Variants in APOD observed in about 807,000 individuals in gnomAD.
APOD encodes the protein apo-D.
A neutral mutation model predicts 20.4 loss-of-function variants in APOD; 22 were observed. That is an observed-to-expected ratio of 1.08 (90% confidence interval 0.77 to 1.54). The LOEUF (loss-of-function observed/expected upper bound fraction) is 1.54. Among genes scored for constraint, APOD ranks in the 40% most tolerant of loss-of-function variants. The pLI is 0.00. For synonymous variants in APOD, 97 were observed against 92.4 expected (o/e 1.05, Z -0.29); for missense variants, 223 against 229.6 (o/e 0.97, Z 0.19).
At position 195,579,505 on chromosome 3, in the gene APOD, C is replaced by T. The variant is rs1352127244; in HGVS notation, c.-34-10G>A. ...GAGAAGGGACCTGGAGCTGCGGGAACGCAAAGCAGCTGGGGTTGTCATTCT... is the reference window on the plus strand; with the variant it reads ...GAGAAGGGACCTGGAGCTGCGGGAATGCAAAGCAGCTGGGGTTGTCATTCT... On this transcript the variant is annotated splice_polypyrimidine_tract_variant and intron_variant, in intron 1 of 4. Coordinates refer to ENST00000343267, the MANE Select transcript of APOD (RefSeq NM_001647.4). 3 of 1,603,352 alleles carry T rather than the reference C, an allele frequency of 1.9e-6. No homozygotes were observed. The highest frequency in any genetic ancestry group is 1.7e-5 in the Admixed American group (1 of 59,614).
Position 195,571,274 on chromosome 3 carries a change from T to TA in APOD, c.334+2dup. Reference sequence around the variant, plus strand: ...AATCCTCCTGGGAAAAGTGGATACTTACACCAGGAAAACTTAACTTCCAGC... The same window carrying TA: ...AATCCTCCTGGGAAAAGTGGATACTTAACACCAGGAAAACTTAACTTCCAGC... On this transcript the variant is annotated splice_region_variant and intron_variant, in intron 4 of 4. Transcript: ENST00000343267. 1.2e-6 allele frequency: 2 copies of TA among 1,613,850 alleles called. No individual in the cohort carries two copies. Among genetic ancestry groups the TA allele is most frequent in the Non-Finnish European group, 1.7e-6 (2 of 1,179,710 alleles).
intron 4 of APOD, among the ~76,000 whole-genome samples, chr3:195,569,580 C>A (rs1221275007): frequency 6.6e-6 from 1 of 152,030 alleles, no homozygotes; most frequent in African/African-American, 2.4e-5. Flanking sequence ...CTCTCGTGGT[C>A]CAGTTCCGAA....
At chr3:195,574,039 C>G in intron 2 of APOD, 68 bp from the exon 3 acceptor site, 1 of 1,587,044 alleles carries the variant, frequency 6.3e-7, no homozygotes, top group East Asian at 2.3e-5. Context: ...TCCCCATTGT[C>G]GTGCAGACGC....
chr3:195,575,947 A>G (rs1720240829), intron 2 of APOD, among the ~76,000 whole-genome samples: 1 of 152,164 alleles, frequency 6.6e-6, no homozygotes, highest in Non-Finnish European at 1.5e-5. Context: ...TTTAAAAACA[A>G]AAAGAGATGC....
chr3:195,573,588 G>C (rs1419252905), intron 3 of APOD, among the ~76,000 whole-genome samples: 3 of 152,248 alleles, frequency 2.0e-5, no homozygotes, highest in Non-Finnish European at 4.4e-5. Flanking sequence ...TGGTCTTGAT[G>C]TTCTTTGCTA....
intron 4 of APOD, among the ~76,000 whole-genome samples, chr3:195,570,413 G>A (rs1720139923): frequency 6.6e-6 from 1 of 152,216 alleles, no homozygotes; most frequent in Non-Finnish European, 1.5e-5. Context: ...TTTCTGGCTT[G>A]TACATGTGAA....
chr3:195,579,762 T>C (rs1246859932), intron 1 of APOD, among the ~76,000 whole-genome samples: 1 of 152,208 alleles, frequency 6.6e-6, no homozygotes, highest in Non-Finnish European at 1.5e-5. Flanking sequence ...TCCCACCTAA[T>C]TATGCATCTC....
intron 4 of APOD, chr3:195,570,522 A>C (rs1214264896): frequency 1.3e-5 from 2 of 152,166 alleles, no homozygotes; most frequent in Non-Finnish European, 2.9e-5. Flanking sequence ...TCCCCGCTCT[A>C]GGCACTTGAC....
rs115247683 is a variant in APOD, at chr3:195,580,368, C to T, written c.-34-873G>A. Among the ~76,000 whole-genome samples, 37 of 140,650 alleles carry T rather than the reference C, an allele frequency of 2.6e-4. 1 individual carries two copies. Among genetic ancestry groups the T allele is most frequent in the Non-Finnish European group, 3.8e-4 (25 of 65,602 alleles). 92.3% of individuals were successfully genotyped at this position (140,650 alleles called of 152,430 possible). On this transcript the variant is annotated intron_variant, in intron 1 of 4. Transcript: ENST00000343267. Reference sequence around the variant, plus strand: ...TCTTTTCTTTTCTTCTTTCTTTCTTCTTTTTTTTTTTTTGACATTCTGTTG... The same window carrying T: ...TCTTTTCTTTTCTTCTTTCTTTCTTTTTTTTTTTTTTTTGACATTCTGTTG...
chr3:195,574,107 G>A, intron 2 of APOD, 136 bp from the exon 3 acceptor site: 1 of 1,218,324 alleles, frequency 8.2e-7, no homozygotes, highest in African/African-American at 1.5e-5. Flanking sequence ...AGTGGCAACT[G>A]GGCAAGAGAT....
At position 195,580,013 on chromosome 3, in the gene APOD, G is replaced by A. The variant is rs1013458968; in HGVS notation, c.-34-518C>T. On this transcript the variant is annotated intron_variant, in intron 1 of 4. Transcript: ENST00000343267. Reference sequence around the variant, plus strand: ...TGACACCATCCCTCCCCCTGCCCTCGTCTTGCTGGCTGTTCTACCAGCCCA... The same window carrying A: ...TGACACCATCCCTCCCCCTGCCCTCATCTTGCTGGCTGTTCTACCAGCCCA... Among the ~76,000 whole-genome samples, 6 of 152,178 alleles carry A rather than the reference G, an allele frequency of 3.9e-5. No individual in the cohort carries two copies. The East Asian group carries it at 1.2e-3, about 29-fold the overall frequency.
chr3:195,578,952 G>A, intron 2 of APOD, among the ~76,000 whole-genome samples: 1 of 152,270 alleles, frequency 6.6e-6, no homozygotes, highest in East Asian at 1.9e-4. Flanking sequence ...CTCTGCCAGG[G>A]GGCTCAGCTA....
chr3:195,569,056 G>A lies in APOD; in HGVS notation c.414C>T (p.Ile138=). The change falls in exon 5 of 5, where the codon ATC becomes ATT. Residue 138 remains isoleucine (I), a synonymous_variant. Transcript: ENST00000343267. ...YALVYSCTCI[I]QLFHVDFAWI... is the part of the protein sequence containing the mutation. ...AAGCAAAATCCACGTGAAAAAGTTG[G>A]ATGATGCAGGTACAGGAATACACGA... 2 of 1,614,160 alleles carry A rather than the reference G, an allele frequency of 1.2e-6. No homozygotes were observed. The highest frequency in any genetic ancestry group is 1.7e-6 in the Non-Finnish European group (2 of 1,180,032).
chr3:195,578,584 C>T (rs576811329), intron 2 of APOD, among the ~76,000 whole-genome samples: 1 of 152,126 alleles, frequency 6.6e-6, no homozygotes, highest in Non-Finnish European at 1.5e-5. Context: ...CTTCCCCTCC[C>T]GCTAAACCCC....
chr3:195,576,225 AAAGT>A (rs1179229594), intron 2 of APOD, among the ~76,000 whole-genome samples: 2 of 152,238 alleles, frequency 1.3e-5, no homozygotes, highest in African/African-American at 4.8e-5. Context: ...TATTTCTGTT[AAAGT>A]GAGTTTAGTG....
rs1577603804 is a variant in APOD, at chr3:195,573,841, G to A, written c.245+9C>T. On this transcript the variant is annotated intron_variant, in intron 3 of 4. Coordinates refer to ENST00000343267, the MANE Select transcript of APOD (RefSeq NM_001647.4). Reference sequence around the variant, plus strand: ...GCAGGCCTGGCCCCGGACGCCCACAGCCACTCACCTCAACTCCTGGTTTAA... The same window carrying A: ...GCAGGCCTGGCCCCGGACGCCCACAACCACTCACCTCAACTCCTGGTTTAA... 1 of 1,613,648 alleles carries A rather than the reference G, an allele frequency of 6.2e-7. No homozygotes were observed. Among genetic ancestry groups the A allele is most frequent in the Non-Finnish European group, 8.5e-7 (1 of 1,179,752 alleles).
At chr3:195,575,753 G>A (rs911588287) in intron 2 of APOD, among the ~76,000 whole-genome samples, 3 of 152,108 alleles carry the variant, frequency 2.0e-5, no homozygotes, top group East Asian at 3.9e-4. Context: ...TCAGCCTCCC[G>A]AGTAGCTGGG....
intron 2 of APOD, among the ~76,000 whole-genome samples, chr3:195,576,750 C>T (rs779371921): frequency 1.3e-5 from 2 of 151,976 alleles, no homozygotes; most frequent in African/African-American, 2.4e-5. Context: ...GCAGAGGTTG[C>T]AGTGAGCTGA....
chr3:195,579,021 G>A (rs1189889872), intron 2 of APOD, among the ~76,000 whole-genome samples: 1 of 152,182 alleles, frequency 6.6e-6, no homozygotes, highest in Non-Finnish European at 1.5e-5. Flanking sequence ...GGAGGGGCAT[G>A]CTCCACGTGT....
Sources: allele counts gnomAD v4.1 joint callset (sites outside exome capture counted in the v4.1 genomes callset), GRCh38; gene constraint gnomAD v4.1.1; transcripts MANE v1.5; gene names NCBI Gene and HGNC (gene_info 2026-07-23, HGNC 2026-07-21).